Variants in PALM2AKAP2 observed in about 807,000 individuals in gnomAD.
The protein encoded by PALM2AKAP2 is PALM2-AKAP2 fusion protein.
Under a neutral mutation model 71.5 loss-of-function variants are expected in PALM2AKAP2, and 37 were observed. The observed-to-expected ratio is 0.52, with a 90% CI of 0.40 to 0.68. PALM2AKAP2 has a LOEUF of 0.68. PALM2AKAP2 is among the 30% of genes least tolerant of loss of function. The probability of loss-of-function intolerance (pLI) is 0.00; values close to 1 mark genes in which losing one functional copy is unlikely to be tolerated. For synonymous variants in PALM2AKAP2, 468 were observed against 478.8 expected, an observed-to-expected ratio of 0.98 and a Z score of 0.29; for missense variants, 1,224 against 1,191.8, an observed-to-expected ratio of 1.03 and a Z score of -0.40.
chr9:110,049,233 G>A (rs1212036620), intron 1 of PALM2AKAP2, among the ~76,000 whole-genome samples: 2 of 152,140 alleles, frequency 1.3e-5, no homozygotes, highest in African/African-American at 4.8e-5. Context: ...GGTCGTGGCC[G>A]CATCTCCTGC....
chr9:110,117,484 C>G (rs912167648), intron 1 of PALM2AKAP2, among the ~76,000 whole-genome samples: 2 of 152,188 alleles, frequency 1.3e-5, no homozygotes, highest in Non-Finnish European at 2.9e-5. Context: ...TTCATCACCC[C>G]TTTAGCACTG....
intron 3 of PALM2AKAP2, among the ~76,000 whole-genome samples, chr9:109,918,034 A>G (rs1830735752): frequency 6.6e-6 from 1 of 152,198 alleles, no homozygotes; most frequent in South Asian, 2.1e-4. Context: ...AGGCAGAACC[A>G]ACTATTCTAC....
At chr9:109,721,426 T>TCC (rs1828403341) in intron 1 of PALM2AKAP2, among the ~76,000 whole-genome samples, 1 of 152,216 alleles carries the variant, frequency 6.6e-6, no homozygotes. Context: ...CTTGTCAGAA[T>TCC]ATTCCAACTC....
intron 1 of PALM2AKAP2, among the ~76,000 whole-genome samples, chr9:109,691,877 CACACATATATAT>C (rs1244985173): frequency 2.4e-4 from 12 of 49,452 alleles, no homozygotes; most frequent in African/African-American, 7.2e-4. Flanking sequence ...TACACACACA[CACACATATATAT>C]ATATATATAT....
At chr9:109,658,893 A>G (rs1827347998) in intron 1 of PALM2AKAP2, among the ~76,000 whole-genome samples, 1 of 152,250 alleles carries the variant, frequency 6.6e-6, no homozygotes, top group Non-Finnish European at 1.5e-5. Flanking sequence ...TCCGAAAAGT[A>G]CTTATAAATA....
In PALM2AKAP2 at chr9:109,881,876, CTTTTT is replaced by C. The variant is rs565835467; in HGVS notation, c.257+1218_257+1222del. Among the ~76,000 whole-genome samples, 112 of 95,104 alleles carry C rather than the reference CTTTTT, an allele frequency of 1.2e-3. 2 individuals are homozygous for C. The highest frequency in any genetic ancestry group is 3.5e-3 in the African/African-American group (98 of 27,872). The allele number at this position is 95,104 out of a possible 152,430, so 62.4% of individuals were successfully genotyped here. On this transcript the variant is annotated intron_variant, in intron 3 of 9. Transcript: ENST00000302798. ...TCTCTGTCTTCTGAGCTTATGAGCT[CTTTTT>C]TTTTTTTTTTTTTTTTTTTTTTAGA...
intron 1 of PALM2AKAP2, among the ~76,000 whole-genome samples, chr9:110,102,415 C>T (rs780676611): frequency 6.6e-6 from 1 of 152,148 alleles, no homozygotes; most frequent in Non-Finnish European, 1.5e-5. Flanking sequence ...ATATATTTGT[C>T]CTCCAGTGTT....
rs192786797 is a variant in PALM2AKAP2, at chr9:109,924,931, G to A, written c.373-130G>A. The A allele has an allele frequency of 1.6e-5, 21 of 1,322,974 alleles. No individual in the cohort carries two copies. The African/African-American group carries it at 2.2e-4, about 14-fold the overall frequency. The allele number at this position is 1,322,974 out of a possible 1,614,324, so 82.0% of individuals were successfully genotyped here. A position where few individuals can be genotyped will look rare whatever the true frequency, so the allele number is the denominator to read the frequency against. On this transcript the variant is annotated intron_variant, in intron 4 of 9. Transcript: ENST00000302798. ...TGTCCAGAAGAAAAGAGATCGTTGC[G>A]TTTCCCCAGCACAGTCAAATTCTGG...
chr9:109,664,342 A>G (rs931519513), intron 1 of PALM2AKAP2, among the ~76,000 whole-genome samples: 12 of 151,850 alleles, frequency 7.9e-5, no homozygotes, highest in Non-Finnish European at 1.6e-4. Flanking sequence ...GTTTCTTTCC[A>G]TGTTTAGTGC....
intron 6 of PALM2AKAP2, among the ~76,000 whole-genome samples, chr9:109,963,733 G>T (rs1427822764): frequency 1.3e-5 from 2 of 152,148 alleles, no homozygotes; most frequent in East Asian, 3.9e-4. Context: ...ACTCTGAATT[G>T]TCTCCTGAAC....
chr9:110,106,402 A>T (rs562204185), intron 1 of PALM2AKAP2, among the ~76,000 whole-genome samples: 1 of 152,322 alleles, frequency 6.6e-6, no homozygotes, highest in South Asian at 2.1e-4. Flanking sequence ...TAAATATGTG[A>T]AATGAGTGCT....
intron 6 of PALM2AKAP2, among the ~76,000 whole-genome samples, chr9:110,013,621 A>G (rs1292936707): frequency 3.3e-5 from 5 of 152,236 alleles, no homozygotes; most frequent in Non-Finnish European, 7.3e-5. Flanking sequence ...AATTCCTGCA[A>G]CCTAGTCAGA....
intron 1 of PALM2AKAP2, among the ~76,000 whole-genome samples, chr9:109,821,212 G>A (rs1366482857): frequency 2.0e-5 from 3 of 152,190 alleles, no homozygotes; most frequent in Non-Finnish European, 4.4e-5. Flanking sequence ...AGTCTGTAGA[G>A]TAGGTGCTTA....
intron 3 of PALM2AKAP2, among the ~76,000 whole-genome samples, chr9:109,890,346 A>G (rs770371409): frequency 6.6e-6 from 1 of 152,110 alleles, no homozygotes; most frequent in Non-Finnish European, 1.5e-5. Context: ...AGGCTGCTTG[A>G]TACTCATCAA....
At chr9:109,820,522 A>G (rs1020653585) in intron 1 of PALM2AKAP2, among the ~76,000 whole-genome samples, 2 of 152,256 alleles carry the variant, frequency 1.3e-5, no homozygotes, top group African/African-American at 2.4e-5. Flanking sequence ...CAGGGCCAAC[A>G]GATCTCAGAG....
chr9:110,150,086 C>T (rs1444460140), intron 2 of PALM2AKAP2, among the ~76,000 whole-genome samples: 1 of 152,148 alleles, frequency 6.6e-6, no homozygotes, highest in African/African-American at 2.4e-5. Context: ...AGAGTGGAGC[C>T]CTCATGACAG....
chr9:110,156,221 G>A, intron 2 of PALM2AKAP2, 98 bp from the exon 9 acceptor site: 3 of 1,433,314 alleles, frequency 2.1e-6, no homozygotes, highest in Non-Finnish European at 2.8e-6. Flanking sequence ...ACCACTCTCT[G>A]TGTCAGAGGT....
intron 1 of PALM2AKAP2, among the ~76,000 whole-genome samples, chr9:110,094,120 A>G (rs540753099): frequency 1.3e-5 from 2 of 152,324 alleles, no homozygotes; most frequent in South Asian, 4.1e-4. Context: ...ACCGCTGTTG[A>G]GAACCCTGCT....
intron 2 of PALM2AKAP2, among the ~76,000 whole-genome samples, chr9:109,880,217 A>C (rs1453617736): frequency 6.6e-6 from 1 of 152,200 alleles, no homozygotes; most frequent in Non-Finnish European, 1.5e-5. Flanking sequence ...TGTTGGGTAA[A>C]ATATGGTTGT....
Sources: allele counts gnomAD v4.1 joint callset (sites outside exome capture counted in the v4.1 genomes callset), GRCh38; gene constraint gnomAD v4.1.1; transcripts MANE v1.5; gene names NCBI Gene and HGNC (gene_info 2026-07-23, HGNC 2026-07-21).